The following PRKN variants were observed in gnomAD, a reference collection of about 807,000 sequenced individuals.
PRKN encodes the protein parkin RBR E3 ubiquitin protein ligase, also known as E3 ubiquitin-protein ligase parkin.
Under a neutral mutation model 59.5 loss-of-function variants are expected in PRKN, and 56 were observed. That is an observed-to-expected ratio of 0.94 (90% confidence interval 0.76 to 1.18). The LOEUF is 1.18. PRKN is among the 50% of genes most tolerant of loss of function. The pLI is 0.00. For synonymous variants in PRKN, 250 were observed against 222.1 expected (o/e 1.13, Z -1.12); for missense variants, 657 against 596.4 (o/e 1.10, Z -1.06).
At chr6:161,815,807 T>C (rs981424900) in intron 6 of PRKN, among the ~76,000 whole-genome samples, 2 of 152,152 alleles carry the variant, frequency 1.3e-5, no homozygotes, top group Non-Finnish European at 2.9e-5. Context: ...TTAACAGAAC[T>C]GAGCAGAGAG....
intron 1 of PRKN, among the ~76,000 whole-genome samples, chr6:162,479,882 T>G (rs138978553): frequency 6.6e-6 from 1 of 151,726 alleles, no homozygotes; most frequent in Non-Finnish European, 1.5e-5. Context: ...CTGGCCAACA[T>G]AGTGAAACCT....
chr6:162,473,972 C>T (rs1038713554), intron 1 of PRKN, among the ~76,000 whole-genome samples: 7 of 152,074 alleles, frequency 4.6e-5, no homozygotes, highest in African/African-American at 9.7e-5. Flanking sequence ...ACCAGCTTTC[C>T]GGTGCAACAT....
chr6:162,002,034 A>G (rs1032443441), intron 5 of PRKN, among the ~76,000 whole-genome samples: 3 of 151,926 alleles, frequency 2.0e-5, no homozygotes, highest in Non-Finnish European at 4.4e-5. Flanking sequence ...GCTGCATGTT[A>G]TAATTTTTCA....
intron 2 of PRKN, among the ~76,000 whole-genome samples, chr6:162,375,742 TACAC>T (rs60180187): frequency 1.3e-4 from 19 of 149,088 alleles, no homozygotes; most frequent in African/African-American, 2.7e-4. Flanking sequence ...TATGGCTTTG[TACAC>T]ACACACACAC....
intron 1 of PRKN, among the ~76,000 whole-genome samples, chr6:162,472,473 T>TATATATATATATATATA (rs1562790180): frequency 1.2e-5 from 1 of 83,842 alleles, no homozygotes; most frequent in African/African-American, 3.7e-5. Context: ...TTTTATTTTA[T>TATATATATATATATATA]TTTATTTTAT....
At position 161,362,945 on chromosome 6, in the gene PRKN, C is replaced by G. The variant is rs192942606; in HGVS notation, c.1168-2740G>C. On this transcript the variant is annotated intron_variant, in intron 10 of 11. Transcript: ENST00000366898. This position sits in a 1 kb window ranked among gnomAD's most constrained non-coding sequence, Gnocchi z 5.2. ...CAAAGGTTGTAGATATTGGAATGGC[C>G]AGAGACAGAGTACTGGCCAGGCATG... Among the ~76,000 whole-genome samples the G allele has an allele frequency of 4.9e-3, 745 of 152,282 alleles. 3 individuals are homozygous for G. The highest frequency in any genetic ancestry group is 0.028 in the South Asian group (136 of 4,820).
rs74788676 is a variant in PRKN, at chr6:161,588,360, A to G, written c.872-18944T>C. 0.084 allele frequency among the ~76,000 whole-genome samples: 12,478 copies of G among 149,354 alleles called. 1,731 individuals carry two copies. Among genetic ancestry groups the G allele is most frequent in the African/African-American group, 0.29 (11,778 of 40,400 alleles). ...GCGCCACTGCATTCCAGCCTGGGCA[A>G]CAAGAGCGAAACTCTGTCCCCTCGC... On this transcript the variant is annotated intron_variant, in intron 7 of 11. Coordinates refer to ENST00000366898, the MANE Select transcript of PRKN (RefSeq NM_004562.3). This position sits in a 1 kb window ranked among gnomAD's most constrained non-coding sequence, Gnocchi z 5.0.
In PRKN at chr6:161,370,573, C is replaced by CA. The variant is rs1785402454; in HGVS notation, c.1168-10369dup. Among the ~76,000 whole-genome samples the CA allele has an allele frequency of 2.6e-5, 3 of 113,326 alleles. No homozygotes were observed. The South Asian group carries it at 8.3e-4, about 32-fold the overall frequency. The allele number at this position is 113,326 out of a possible 152,430, so 74.3% of individuals were successfully genotyped here. A position where few individuals can be genotyped will look rare whatever the true frequency, so the allele number is the denominator to read the frequency against. On this transcript the variant is annotated intron_variant, in intron 10 of 11. Transcript: ENST00000366898. The stretch of plus-strand genomic sequence containing the variant: ...CGCCACTGCACTCCAGCCTGGGCGA[C>CA]AGAGCAAGACTCTGTGTCAAAAAAA...
At chr6:162,713,626 C>T (rs1002792622) in intron 1 of PRKN, among the ~76,000 whole-genome samples, 1 of 151,692 alleles carries the variant, frequency 6.6e-6, no homozygotes, top group Non-Finnish European at 1.5e-5. Context: ...AAAAATCCTA[C>T]AATTAGGGTT....
rs1785239406 is a variant in PRKN at position 161,679,740 on chromosome 6, GCT to G, written c.871+106030_871+106031del. ...AAAAAATGTTTTCAGTTCAGAGCCA[GCT>G]TTTTTTTTTTTTTTTTTTTTTTTTT... On this transcript the variant is annotated intron_variant, in intron 7 of 11. Transcript: ENST00000366898. Among the ~76,000 whole-genome samples, 6 of 51,216 alleles carry G rather than the reference GCT, an allele frequency of 1.2e-4. No homozygotes were observed. The South Asian group carries it at 3.8e-3, about 32-fold the overall frequency. 33.6% of individuals were successfully genotyped at this position (51,216 alleles called of 152,430 possible).
Position 161,508,494 on chromosome 6 carries a change from A to C in PRKN, c.1083+40360T>G, listed in dbSNP as rs7766600. On this transcript the variant is annotated intron_variant, in intron 9 of 11. Coordinates refer to ENST00000366898, the MANE Select transcript of PRKN (RefSeq NM_004562.3). ...GTCAGTCCTTATGGCTCCATTACACATGATGAAAAATTCTCCCCTGCCATA... is the reference window on the plus strand; with the variant it reads ...GTCAGTCCTTATGGCTCCATTACACCTGATGAAAAATTCTCCCCTGCCATA... Among the ~76,000 whole-genome samples, 242 of 152,224 alleles carry C rather than the reference A, an allele frequency of 1.6e-3. 1 individual carries two copies. Among genetic ancestry groups the C allele is most frequent in the African/African-American group, 5.4e-3 (226 of 41,512 alleles).
intron 1 of PRKN, among the ~76,000 whole-genome samples, chr6:162,549,327 G>T (rs756715784): frequency 6.6e-6 from 1 of 152,132 alleles, no homozygotes; most frequent in Non-Finnish European, 1.5e-5. Flanking sequence ...TGTTACAGAA[G>T]CCCAAACTGA....
chr6:162,510,344 G>GAATTTGGAATGCA (rs1413702335), intron 1 of PRKN, among the ~76,000 whole-genome samples: 1 of 152,028 alleles, frequency 6.6e-6, no homozygotes, highest in African/African-American at 2.4e-5. Context: ...AACTTGTTCA[G>GAATTTGGAATGCA]AATTTGGAAT....
At chr6:161,814,031 C>T (rs930719150) in intron 6 of PRKN, among the ~76,000 whole-genome samples, 6 of 152,116 alleles carry the variant, frequency 3.9e-5, no homozygotes, top group Non-Finnish European at 8.8e-5. Flanking sequence ...AAAAGAGGAT[C>T]CTTTTATCTT....
chr6:162,530,104 T>TG (rs1778449673), intron 1 of PRKN, among the ~76,000 whole-genome samples: 2 of 148,290 alleles, frequency 1.3e-5, no homozygotes, highest in East Asian at 4.0e-4. Flanking sequence ...CACTCCAGCC[T>TG]GGGCAACAAG....
intron 1 of PRKN, among the ~76,000 whole-genome samples, chr6:162,701,542 C>A (rs1778152133): frequency 6.6e-6 from 1 of 151,448 alleles, no homozygotes; most frequent in African/African-American, 2.4e-5. Flanking sequence ...TTTACATGAA[C>A]TATTAATCAT....
chr6:161,449,336 A>T (rs746718303), intron 9 of PRKN, among the ~76,000 whole-genome samples: 1 of 152,206 alleles, frequency 6.6e-6, no homozygotes, highest in Non-Finnish European at 1.5e-5. Flanking sequence ...AGAAAAACAA[A>T]CAAAGAAACA....
At chr6:162,508,131 T>C (rs950002386) in intron 1 of PRKN, among the ~76,000 whole-genome samples, 3 of 152,172 alleles carry the variant, frequency 2.0e-5, no homozygotes, top group African/African-American at 7.2e-5. Context: ...AGGCACTTCT[T>C]ACATGGCAGC....
chr6:162,149,954 G>A (rs1019775633), intron 4 of PRKN, among the ~76,000 whole-genome samples: 4 of 152,120 alleles, frequency 2.6e-5, no homozygotes, highest in African/African-American at 9.7e-5. Flanking sequence ...GGAAAGCACT[G>A]TATGGTATAA....
Sources: gnomAD v4.1 joint callset for allele counts (sites outside exome capture counted in the v4.1 genomes callset) on GRCh38, gnomAD v4.1.1 for gene constraint, Gnocchi (gnomAD v3.1) non-coding constraint, MANE v1.5 for transcripts, NCBI Gene and HGNC (gene_info 2026-07-23, HGNC 2026-07-21) for gene names.